FGF2: variants seen among roughly 807,000 people sequenced by gnomAD.
FGF2 encodes basic fibroblast growth factor bFGF.
In FGF2, 13 loss-of-function variants were observed where a neutral mutation model predicts 15.9. The ratio of observed to expected loss-of-function variants is 0.82; its 90% CI spans 0.53 to 1.30. FGF2 has a LOEUF of 1.30. FGF2 is among the 50% of genes most tolerant of loss of function. The pLI, the probability that FGF2 is intolerant of heterozygous loss-of-function variation, is 0.00. For synonymous variants in FGF2, 90 were observed against 78.4 expected (o/e 1.15, Z -0.78); for missense variants, 163 against 196.9 (o/e 0.83, Z 1.03).
intron 1 of FGF2, among the ~76,000 whole-genome samples, chr4:122,873,182 A>T (rs556559534): frequency 6.6e-6 from 1 of 152,080 alleles, no homozygotes; most frequent in East Asian, 1.9e-4. Flanking sequence ...CTTGAACTGT[A>T]CTCCTGGCTT....
intron 1 of FGF2, among the ~76,000 whole-genome samples, chr4:122,844,571 T>TTTTCTTTC (rs760850966): frequency 7.8e-6 from 1 of 128,354 alleles, no homozygotes; most frequent in African/African-American, 3.7e-5. Flanking sequence ...CTTTCTTTCT[T>TTTTCTTTC]TTTCTTTCTT....
chr4:122,879,978 A>C (rs1300975289), intron 2 of FGF2, among the ~76,000 whole-genome samples: 1 of 152,238 alleles, frequency 6.6e-6, no homozygotes, highest in East Asian at 1.9e-4. Flanking sequence ...CTCACATTTC[A>C]AAACCAATCA....
chr4:122,865,778 G>C (rs1726561920), intron 1 of FGF2, among the ~76,000 whole-genome samples: 1 of 152,154 alleles, frequency 6.6e-6, no homozygotes, highest in African/African-American at 2.4e-5. Context: ...AAAGAATGTA[G>C]ATTCTGCAGA....
At chr4:122,878,836 C>T (rs1174529119) in intron 2 of FGF2, among the ~76,000 whole-genome samples, 2 of 152,090 alleles carry the variant, frequency 1.3e-5, no homozygotes, top group Non-Finnish European at 1.5e-5. Context: ...TCAAAGATGG[C>T]TTTTAGGTTG....
At chr4:122,851,859 C>T (rs1726238639) in intron 1 of FGF2, among the ~76,000 whole-genome samples, 1 of 152,112 alleles carries the variant, frequency 6.6e-6, no homozygotes. Flanking sequence ...CTGTGCCTTA[C>T]TAATTCTATG....
At chr4:122,866,881 A>G (rs1212411280) in intron 1 of FGF2, among the ~76,000 whole-genome samples, 1 of 152,238 alleles carries the variant, frequency 6.6e-6, no homozygotes, top group African/African-American at 2.4e-5. Flanking sequence ...TTGTCTACGA[A>G]TGTTCATAGC....
chr4:122,853,730 G>A (rs184594080), intron 1 of FGF2, among the ~76,000 whole-genome samples: 4 of 152,306 alleles, frequency 2.6e-5, no homozygotes, highest in African/African-American at 2.4e-5. Context: ...TGGTGCGAGG[G>A]TGTATATACT....
chr4:122,864,731 A>G (rs1453867872), intron 1 of FGF2, among the ~76,000 whole-genome samples: 2 of 152,212 alleles, frequency 1.3e-5, no homozygotes, highest in East Asian at 3.9e-4. Context: ...AGTTTTAACA[A>G]TGCTAACATT....
chr4:122,840,145 G>A (rs115794056), intron 1 of FGF2, among the ~76,000 whole-genome samples: 2 of 152,276 alleles, frequency 1.3e-5, no homozygotes, highest in African/African-American at 4.8e-5. Context: ...CACATGCAGA[G>A]ATAGTGGGAT....
At chr4:122,861,631 GT>G (rs45561540) in intron 1 of FGF2, among the ~76,000 whole-genome samples, 13,560 of 151,700 alleles carry the variant, frequency 0.089, 992 homozygotes, top group East Asian at 0.27. Context: ...TCTGTCCTTT[GT>G]CCCCACTGTT....
chr4:122,849,155 C>CTCTTTGG (rs893721097), intron 1 of FGF2, among the ~76,000 whole-genome samples: 2 of 152,182 alleles, frequency 1.3e-5, no homozygotes, highest in African/African-American at 4.8e-5. Flanking sequence ...ACAATAAAAT[C>CTCTTTGG]TCTTTGGTGG....
chr4:122,852,557 A>G (rs1726256945), intron 1 of FGF2, among the ~76,000 whole-genome samples: 1 of 152,234 alleles, frequency 6.6e-6, no homozygotes, highest in Non-Finnish European at 1.5e-5. Context: ...CACCAAAATA[A>G]GTCTGCCATC....
At chr4:122,881,541 C>G (rs1726961049) in intron 2 of FGF2, among the ~76,000 whole-genome samples, 1 of 152,202 alleles carries the variant, frequency 6.6e-6, no homozygotes, top group African/African-American at 2.4e-5. Context: ...CCACCAGTCT[C>G]TTTGCTAAAA....
rs746414739 is a variant in FGF2, at chr4:122,892,437, A to T, written c.*41A>T. 6 of 1,611,522 alleles carry T rather than the reference A, an allele frequency of 3.7e-6. No homozygotes were observed. The highest frequency in any genetic ancestry group is 5.1e-6 in the Non-Finnish European group (6 of 1,177,808). On this transcript the variant is annotated 3_prime_UTR_variant, in exon 3 of 3. Coordinates refer to ENST00000644866, the MANE Select transcript of FGF2 (RefSeq NM_001361665.2). ...CTAATCTCATTTCACATGAAAGAAG[A>T]AGTATATTTTAGAAATTTGTTAATG...
At chr4:122,891,053 T>TTTTTTTA (rs1560760242) in intron 2 of FGF2, among the ~76,000 whole-genome samples, 1 of 143,400 alleles carries the variant, frequency 7.0e-6, no homozygotes, top group East Asian at 2.3e-4. Context: ...TTTGTTTTGT[T>TTTTTTTA]TTTTTGAGAC....
chr4:122,834,478 G>A (rs1725825208), intron 1 of FGF2, among the ~76,000 whole-genome samples: 1 of 152,050 alleles, frequency 6.6e-6, no homozygotes, highest in Non-Finnish European at 1.5e-5. Flanking sequence ...TCTTATGAGA[G>A]CACCAGTAGT....
intron 1 of FGF2, among the ~76,000 whole-genome samples, chr4:122,835,886 A>G (rs1419036843): frequency 6.6e-6 from 1 of 152,174 alleles, no homozygotes; most frequent in Non-Finnish European, 1.5e-5. Flanking sequence ...TGTCACAATG[A>G]TTGGCCTTTC....
chr4:122,872,928 A>C (rs1056917521), intron 1 of FGF2, among the ~76,000 whole-genome samples: 54 of 152,206 alleles, frequency 3.5e-4, no homozygotes, highest in Admixed American at 1.3e-4. Context: ...AAACACACCA[A>C]AATATAAAGA....
At chr4:122,890,712 G>T (rs1474070500) in intron 2 of FGF2, among the ~76,000 whole-genome samples, 1 of 152,114 alleles carries the variant, frequency 6.6e-6, no homozygotes, top group African/African-American at 2.4e-5. Flanking sequence ...CTGGGAAAAG[G>T]TTCAAGTCTT....
Sources: gnomAD v4.1 joint callset for allele counts (sites outside exome capture counted in the v4.1 genomes callset) on GRCh38, gnomAD v4.1.1 for gene constraint, MANE v1.5 for transcripts, NCBI Gene and HGNC (gene_info 2026-07-23, HGNC 2026-07-21) for gene names.